Variants in PRL observed in about 807,000 individuals in gnomAD.
PRL encodes the protein prolactin.
PRL carries 24 observed loss-of-function variants against 21.3 expected under a neutral mutation model. That is an observed-to-expected ratio of 1.13 (90% confidence interval 0.82 to 1.59). The LOEUF (loss-of-function observed/expected upper bound fraction) is 1.59, where lower values mean the gene tolerates loss of function less well. Ranked by LOEUF, PRL falls within the 40% of genes most tolerant of loss-of-function variation. PRL has a pLI of 0.00. For missense variants in PRL, 243 were observed against 286.9 expected (o/e 0.85, Z 1.10); for synonymous variants, 118 against 115.7 (o/e 1.02, Z -0.13).
At position 22,287,375 on chromosome 6, in the gene PRL, T is replaced by C; in HGVS notation, c.*27A>G. On this transcript the variant is annotated 3_prime_UTR_variant, in exon 5 of 5. Transcript: ENST00000306482. ...ATGGAACGGATCATTAAGGACCTTC[T>C]CAGAAATAGATGAAATGGATGTGGG... is the stretch of plus-strand genomic sequence containing the variant. 6.3e-7 allele frequency: 1 copy of C among 1,589,582 alleles called. No homozygotes were observed. Among genetic ancestry groups the C allele is most frequent in the Non-Finnish European group, 8.6e-7 (1 of 1,161,802 alleles).
intron 1 of PRL, among the ~76,000 whole-genome samples, chr6:22,295,375 G>A (rs533958747): frequency 3.4e-4 from 52 of 152,260 alleles, no homozygotes; most frequent in African/African-American, 9.9e-4. Flanking sequence ...TTTGCACGTC[G>A]TCTTGTCACA....
chr6:22,297,902 A>G (rs1761210685), upstream of PRL, among the ~76,000 whole-genome samples: 1 of 152,232 alleles, frequency 6.6e-6, no homozygotes, highest in Non-Finnish European at 1.5e-5. Flanking sequence ...AAATGAAGGA[A>G]CAATTATTAC....
rs1194730209 is a variant in PRL, at chr6:22,296,835, A to ATTG, written c.28+119_28+120insCAA. On this transcript the variant is annotated intron_variant, in intron 1 of 4. Coordinates refer to ENST00000306482, the MANE Select transcript of PRL (RefSeq NM_000948.6). Reference sequence around the variant, plus strand: ...TGTAAAATTGCTTTCTAGAGGAAACATAAGATTGTGCTTCTAAACCTTGTA... The same window carrying ATTG: ...TGTAAAATTGCTTTCTAGAGGAAACATTGTAAGATTGTGCTTCTAAACCTTGTA... 5.8e-5 allele frequency: 64 copies of ATTG among 1,102,330 alleles called. No individual in the cohort carries two copies. In the East Asian group the frequency reaches 1.6e-3, roughly 27 times the overall value. 68.3% of individuals were successfully genotyped at this position (1,102,330 alleles called of 1,614,324 possible). A position where few individuals can be genotyped will look rare whatever the true frequency, so the allele number is the denominator to read the frequency against.
At chr6:22,301,684 C>T (rs533887111), upstream of PRL, among the ~76,000 whole-genome samples, 7 of 152,276 alleles carry the variant, frequency 4.6e-5, no homozygotes, top group Admixed American at 2.0e-4. Context: ...ATCCAGCCTA[C>T]GTACCCTTTA....
At chr6:22,295,158 A>G (rs2113513193) in intron 1 of PRL, among the ~76,000 whole-genome samples, 1 of 152,228 alleles carries the variant, frequency 6.6e-6, no homozygotes, top group Middle Eastern at 3.4e-3. Flanking sequence ...GCTAACTCGT[A>G]ATAGTCCCAT....
At chr6:22,291,870 G>A (rs1257714986) in intron 3 of PRL, among the ~76,000 whole-genome samples, 1 of 152,298 alleles carries the variant, frequency 6.6e-6, no homozygotes, top group East Asian at 1.9e-4. Context: ...ATAGAAGATT[G>A]AAGCTGAGAT....
chr6:22,292,433 T>C (rs1581385638), intron 3 of PRL, 105 bp downstream of exon 3: 4 of 1,030,758 alleles, frequency 3.9e-6, no homozygotes, highest in African/African-American at 3.2e-5. Context: ...CCTATATTTT[T>C]CTCTGCATGT....
intron 3 of PRL, among the ~76,000 whole-genome samples, chr6:22,291,965 C>T (rs180731042): frequency 7.0e-4 from 107 of 152,202 alleles, no homozygotes; most frequent in Non-Finnish European, 3.7e-4. Flanking sequence ...TTATGTTTTA[C>T]AGGATCTGTA....
Position 22,292,521 on chromosome 6 carries a change from CTGG to C in PRL, c.312+14_312+16del, listed in dbSNP as rs1240156471. On this transcript the variant is annotated intron_variant, in intron 3 of 4. Coordinates refer to ENST00000306482, the MANE Select transcript of PRL (RefSeq NM_000948.6). ...TGCCTTGGTTGTTTTGGTGCAAAGC[CTGG>C]ATGAAGGACTCACATTCATCTGTTG... 1 of 1,608,536 alleles carries C rather than the reference CTGG, an allele frequency of 6.2e-7. No homozygotes were observed. The highest frequency in any genetic ancestry group is 1.3e-5 in the African/African-American group (1 of 74,780).
At chr6:22,296,870 G>A (rs1242272032) in intron 1 of PRL, 85 bp downstream of exon 1, 6 of 1,435,406 alleles carry the variant, frequency 4.2e-6, no homozygotes, top group East Asian at 2.3e-5. Context: ...AAACCTGCAA[G>A]CTCTTGTTAT....
In PRL at chr6:22,288,370, C is replaced by A. The variant is rs1760968826; in HGVS notation, c.493-777G>T. On this transcript the variant is annotated intron_variant, in intron 4 of 4. Transcript: ENST00000306482. This position sits in a 1 kb window ranked among gnomAD's most constrained non-coding sequence, Gnocchi z 4.5. ...CCAACATGGTGAAATCCCATCTCTA[C>A]AAAAACATACAAAAATCAGCCGTGC... Among the ~76,000 whole-genome samples, 1 of 151,988 alleles carries A rather than the reference C, an allele frequency of 6.6e-6. No homozygotes were observed. The highest frequency in any genetic ancestry group is 6.6e-5 in the Admixed American group (1 of 15,260).
chr6:22,297,711 G>A (rs1305467654), upstream of PRL, among the ~76,000 whole-genome samples: 1 of 152,118 alleles, frequency 6.6e-6, no homozygotes, highest in African/African-American at 2.4e-5. Flanking sequence ...TTTAACATAT[G>A]TGTTAAGTGG....
rs1561753110 is a variant in PRL at position 22,288,906 on chromosome 6, G to GCC, written c.492+1267_492+1268insGG. ...TGCGCGTGTGTGTGCGTGTGTGCGC[G>GCC]CGCGTGTGTGTGCGTGCGCGTGTGT... On this transcript the variant is annotated intron_variant, in intron 4 of 4. Coordinates refer to ENST00000306482, the MANE Select transcript of PRL (RefSeq NM_000948.6). This position sits in a 1 kb window ranked among gnomAD's most constrained non-coding sequence, Gnocchi z 4.5. Among the ~76,000 whole-genome samples the GCC allele has an allele frequency of 6.7e-6, 1 of 149,160 alleles. No homozygotes were observed. Among genetic ancestry groups the GCC allele is most frequent in the Admixed American group, 6.6e-5 (1 of 15,082 alleles).
At chr6:22,295,111 G>A (rs947404980) in intron 1 of PRL, among the ~76,000 whole-genome samples, 3 of 152,136 alleles carry the variant, frequency 2.0e-5, no homozygotes, top group African/African-American at 7.2e-5. Context: ...AGTTTGAAAA[G>A]AATTCTAACA....
In PRL at chr6:22,290,252, C is replaced by T. The variant is rs746096840; in HGVS notation, c.414G>A (p.Glu138=). 33 of 1,613,340 alleles carry T rather than the reference C, an allele frequency of 2.0e-5. 1 individual carries two copies. In the South Asian group the frequency reaches 3.2e-4, roughly 16 times the overall value. Residue 138 remains glutamate (E), a synonymous_variant, in exon 4 of 5, where the codon GAG becomes GAA. Coordinates refer to ENST00000306482, the MANE Select transcript of PRL (RefSeq NM_000948.6). ...TEVRGMQEAP[E]AILSKAVEIE... ...TCTCTACAGCTTTGGATAGGATAGC[C>T]TCCGGGGCTTCTTGCATACCACGTA...
chr6:22,296,995 T>G lies in PRL; in HGVS notation c.-13A>C, dbSNP rs751303485. On this transcript the variant is annotated 5_prime_UTR_variant, in exon 1 of 5. Transcript: ENST00000306482. The stretch of plus-strand genomic sequence containing the variant: ...CTTTGATGTTCATGTTCGTGATCGT[T>G]GCAGGAAACACACTTCACCAGAGAA... The G allele has an allele frequency of 1.7e-5, 27 of 1,613,986 alleles. No homozygotes were observed. The East Asian group carries it at 2.5e-4, about 15-fold the overall frequency.
intron 2 of PRL, among the ~76,000 whole-genome samples, chr6:22,293,657 AGG>A (rs1491418334): frequency 1.2e-4 from 16 of 136,608 alleles, no homozygotes; most frequent in Non-Finnish European, 1.9e-4. Context: ...GAAGGAAGGA[AGG>A]AAGGAAGGAA....
Position 22,290,065 on chromosome 6 carries a change from A to C in PRL, c.492+109T>G, listed in dbSNP as rs184197421. The C allele has an allele frequency of 7.2e-5, 77 of 1,075,490 alleles. No homozygotes were observed. The African/African-American group carries it at 1.1e-3, about 15-fold the overall frequency. 66.6% of individuals were successfully genotyped at this position (1,075,490 alleles called of 1,614,324 possible). A position where few individuals can be genotyped will look rare whatever the true frequency, so the allele number is the denominator to read the frequency against. ...CTCTTGCTTTATTTAATAGCGGTCT[A>C]TAATATGGAATGCCTAAATTTCCTT... is the stretch of plus-strand genomic sequence containing the variant. On this transcript the variant is annotated intron_variant, in intron 4 of 4. Coordinates refer to ENST00000306482, the MANE Select transcript of PRL (RefSeq NM_000948.6).
rs752498524 is a variant in PRL at position 22,290,284 on chromosome 6, T to C, written c.382A>G (p.Thr128Ala). 5.0e-6 allele frequency: 8 copies of C among 1,612,444 alleles called. No individual in the cohort carries two copies. Among genetic ancestry groups the C allele is most frequent in the Non-Finnish European group, 6.8e-6 (8 of 1,178,786 alleles). The change falls in exon 4 of 5, where the codon ACG becomes GCG. Residue 128 changes from threonine to alanine, a missense_variant. Transcript: ENST00000306482. Reference protein sequence around the residue: ...SWNEPLYHLVTEVRGMQEAPE... With the variant: ...SWNEPLYHLVAEVRGMQEAPE... ...GCTTCTTGCATACCACGTACTTCCG[T>C]GACCAGATGATACAGAGGCTCATTC...
Sources: allele counts gnomAD v4.1 joint callset (sites outside exome capture counted in the v4.1 genomes callset), GRCh38; gene constraint gnomAD v4.1.1; non-coding constraint Gnocchi (gnomAD v3.1); transcripts MANE v1.5; gene names NCBI Gene and HGNC (gene_info 2026-07-23, HGNC 2026-07-21).